The following HMCN1 variants were observed in gnomAD, a reference collection of about 807,000 sequenced individuals.
HMCN1 encodes hemicentin 1.
A neutral mutation model predicts 625.9 loss-of-function variants in HMCN1; 321 were observed. The ratio of observed to expected loss-of-function variants is 0.51; its 90% CI spans 0.47 to 0.56. The LOEUF is 0.56. Among genes scored for constraint, HMCN1 ranks in the 20% least tolerant of loss-of-function variants. HMCN1 has a pLI of 0.00. For synonymous variants in HMCN1, 2,425 were observed against 2,417.6 expected, an observed-to-expected ratio of 1.00 and a Z score of -0.09; for missense variants, 6,588 against 6,887.3, an observed-to-expected ratio of 0.96 and a Z score of 1.54.
At chr1:186,077,372 A>G (rs1439275728) in intron 54 of HMCN1, among the ~76,000 whole-genome samples, 1 of 152,120 alleles carries the variant, frequency 6.6e-6, no homozygotes, top group African/African-American at 2.4e-5. Flanking sequence ...TGCGGATTCA[A>G]TAGTAGTTTT....
intron 46 of HMCN1, 141 bp from the exon 47 acceptor site, chr1:186,061,710 A>C (rs541412432): frequency 2.1e-5 from 10 of 484,820 alleles, no homozygotes; most frequent in African/African-American, 1.7e-4. Flanking sequence ...GTGATTTTTA[A>C]AAAAGCTTAA....
chr1:185,996,162 G>C (rs1652772246), intron 24 of HMCN1, among the ~76,000 whole-genome samples: 1 of 152,216 alleles, frequency 6.6e-6, no homozygotes, highest in Non-Finnish European at 1.5e-5. Context: ...TCATGAAATG[G>C]TGGAAAACTC....
At chr1:185,753,307 T>C (rs1654934740) in intron 1 of HMCN1, among the ~76,000 whole-genome samples, 1 of 152,104 alleles carries the variant, frequency 6.6e-6, no homozygotes, top group Non-Finnish European at 1.5e-5. Context: ...CTCTAGTATA[T>C]CTATGCCAAT....
intron 54 of HMCN1, among the ~76,000 whole-genome samples, chr1:186,077,542 CAGAG>C (rs1179975949): frequency 1.3e-5 from 2 of 151,970 alleles, no homozygotes; most frequent in African/African-American, 2.4e-5. Context: ...ATACATATGA[CAGAG>C]AGAGATAAGG....
At chr1:185,965,652 G>T (rs1435539149) in intron 13 of HMCN1, 150 bp from the exon 14 acceptor site, 1 of 689,246 alleles carries the variant, frequency 1.5e-6, no homozygotes, top group Non-Finnish European at 2.7e-6. Context: ...ACACCTATGT[G>T]CATGTGCATT....
Position 186,095,121 on chromosome 1 carries a change from A to G in HMCN1, c.10295-122A>G, listed in dbSNP as rs931165585. 4.1e-6 allele frequency: 4 copies of G among 969,772 alleles called. No homozygotes were observed. In the African/African-American group the frequency reaches 4.9e-5, roughly 12 times the overall value. 60.1% of individuals were successfully genotyped at this position (969,772 alleles called of 1,614,324 possible). A position where few individuals can be genotyped will look rare whatever the true frequency, so the allele number is the denominator to read the frequency against. The stretch of plus-strand genomic sequence containing the variant: ...GTAAAGTCCTTAGTTATTATACACA[A>G]TTTTAAAGTATATATTTTTATCAAC... On this transcript the variant is annotated intron_variant, in intron 67 of 106. Transcript: ENST00000271588.
intron 4 of HMCN1, among the ~76,000 whole-genome samples, chr1:185,905,324 T>G (rs73062125): frequency 0.064 from 9,761 of 151,770 alleles, 1,071 homozygotes; most frequent in African/African-American, 0.22. Context: ...ATGTACTATA[T>G]TAGGTTCAGG....
chr1:185,936,758 T>G (rs1362574252), intron 11 of HMCN1, among the ~76,000 whole-genome samples: 3 of 152,110 alleles, frequency 2.0e-5, no homozygotes, highest in African/African-American at 7.2e-5. Context: ...AGTTAGAAAT[T>G]TTAGAAACAG....
At chr1:185,917,348 T>C (rs1056367968) in intron 6 of HMCN1, among the ~76,000 whole-genome samples, 1 of 152,182 alleles carries the variant, frequency 6.6e-6, no homozygotes, top group African/African-American at 2.4e-5. Context: ...TAAAATACCA[T>C]GCACAGAGTT....
rs749231618 is a variant in HMCN1 at position 186,016,092 on chromosome 1, G to A, written c.5044G>A (p.Val1682Met). The change falls in exon 32 of 107, where the codon GTG becomes ATG. Residue 1682 changes from valine to methionine, a missense_variant. By Grantham distance (21) the Val-to-Met change is conservative. Coordinates refer to ENST00000271588, the MANE Select transcript of HMCN1 (RefSeq NM_031935.3). Reference sequence around the variant, plus strand: ...CACCTGGTTGAAAGATGGTGTACCTGTGAAAGCTAATGACAATATCCGCAT... The same window carrying A: ...CACCTGGTTGAAAGATGGTGTACCTATGAAAGCTAATGACAATATCCGCAT... ...ILTWLKDGVP[V>M]KANDNIRIEA... is the part of the protein sequence containing the mutation. The A allele has an allele frequency of 6.2e-7, 1 of 1,613,552 alleles. No homozygotes were observed. Among genetic ancestry groups the A allele is most frequent in the Admixed American group, 1.7e-5 (1 of 59,936 alleles).
intron 91 of HMCN1, among the ~76,000 whole-genome samples, chr1:186,144,979 A>G (rs1369682589): frequency 1.3e-5 from 2 of 152,228 alleles, no homozygotes; most frequent in East Asian, 1.9e-4. Flanking sequence ...TGATGCTTAC[A>G]GTTCTTTTAT....
Position 186,018,450 on chromosome 1 carries a change from C to T in HMCN1, c.5470+98C>T. The T allele has an allele frequency of 2.4e-6, 3 of 1,229,844 alleles. No individual in the cohort carries two copies. In the East Asian group the frequency reaches 7.0e-5, roughly 29 times the overall value. 76.2% of individuals were successfully genotyped at this position (1,229,844 alleles called of 1,614,324 possible). Reference sequence around the variant, plus strand: ...TGTAGCTCAATAATGTGAATAAATCCTGAGTTGTGGAAGGTAGTGTAAAGG... The same window carrying T: ...TGTAGCTCAATAATGTGAATAAATCTTGAGTTGTGGAAGGTAGTGTAAAGG... On this transcript the variant is annotated intron_variant, in intron 34 of 106. Transcript: ENST00000271588.
intron 2 of HMCN1, among the ~76,000 whole-genome samples, chr1:185,851,806 C>G (rs1177492610): frequency 6.6e-6 from 1 of 150,676 alleles, no homozygotes; most frequent in Non-Finnish European, 1.5e-5. Context: ...TAAACACACA[C>G]CCCCCCCAAC....
intron 40 of HMCN1, among the ~76,000 whole-genome samples, chr1:186,042,280 C>T (rs543651387): frequency 2.0e-5 from 3 of 152,224 alleles, no homozygotes; most frequent in Non-Finnish European, 2.9e-5. Context: ...TGAATTGAGC[C>T]GCTTTTATGC....
rs1469996960 is a variant in HMCN1 at position 186,187,046 on chromosome 1, A to G, written c.16415-837A>G. On this transcript the variant is annotated intron_variant, in intron 105 of 106. Coordinates refer to ENST00000271588, the MANE Select transcript of HMCN1 (RefSeq NM_031935.3). ...CACACACACACACACACGCATGCAAACATTTTCATTCACAGATCCCCTGAT... is the reference window on the plus strand; with the variant it reads ...CACACACACACACACACGCATGCAAGCATTTTCATTCACAGATCCCCTGAT... Among the ~76,000 whole-genome samples the G allele has an allele frequency of 2.7e-5, 4 of 150,562 alleles. No homozygotes were observed. In the East Asian group the frequency reaches 8.0e-4, roughly 30 times the overall value.
chr1:185,880,966 G>A (rs1664268617), intron 4 of HMCN1, among the ~76,000 whole-genome samples: 1 of 152,262 alleles, frequency 6.6e-6, no homozygotes. Context: ...GCCAGAGCGA[G>A]TGCTTTTGGG....
At position 185,734,692 on chromosome 1, in the gene HMCN1, CTG is replaced by C; in HGVS notation, c.-87_-86del. 1.5e-6 allele frequency: 2 copies of C among 1,336,716 alleles called. No individual in the cohort carries two copies. The highest frequency in any genetic ancestry group is 1.7e-5 in the Admixed American group (1 of 59,612). The allele number at this position is 1,336,716 out of a possible 1,614,324, so 82.8% of individuals were successfully genotyped here. A position where few individuals can be genotyped will look rare whatever the true frequency, so the allele number is the denominator to read the frequency against. ...GATTCCAAGAGTCTGATGAGTTACT[CTG>C]AGAGGAAACCCTCTGCCTGTTGTTG... is the stretch of plus-strand genomic sequence containing the variant. On this transcript the variant is annotated 5_prime_UTR_variant, in exon 1 of 107. The change abolishes the stop of an existing upstream ORF in the 5' untranslated region. Coordinates refer to ENST00000271588, the MANE Select transcript of HMCN1 (RefSeq NM_031935.3).
At chr1:185,892,640 G>T (rs867740163) in intron 4 of HMCN1, among the ~76,000 whole-genome samples, 2 of 152,082 alleles carry the variant, frequency 1.3e-5, no homozygotes, top group Non-Finnish European at 2.9e-5. Flanking sequence ...GGGGGTCAGG[G>T]ACCCACTTGA....
At chr1:186,166,677 A>G (rs749357763) in intron 99 of HMCN1, 131 bp from the exon 100 acceptor site, 410 of 1,325,120 alleles carry the variant, frequency 3.1e-4, no homozygotes, top group Non-Finnish European at 4.1e-4. Context: ...ACTCAACCAA[A>G]AACTTTAGTC....
Sources: allele counts gnomAD v4.1 joint callset (sites outside exome capture counted in the v4.1 genomes callset), GRCh38; gene constraint gnomAD v4.1.1; transcripts MANE v1.5; gene names NCBI Gene and HGNC (gene_info 2026-07-23, HGNC 2026-07-21).